Variants in PLEKHA4 observed in about 807,000 individuals in gnomAD.
PLEKHA4 encodes pleckstrin homology domain containing A4.
PLEKHA4 carries 73 observed loss-of-function variants against 94.7 expected under a neutral mutation model. The ratio of observed to expected loss-of-function variants is 0.77; its 90% CI spans 0.64 to 0.94. PLEKHA4 has a LOEUF of 0.94. Among genes scored for constraint, PLEKHA4 ranks in the 40% least tolerant of loss-of-function variants. PLEKHA4 has a pLI of 0.00. For missense variants in PLEKHA4, 1,049 were observed against 1,054.1 expected (o/e 1.00, Z 0.07); for synonymous variants, 449 against 437.1 (o/e 1.03, Z -0.34).
Position 48,857,500 on chromosome 19 carries a change from G to T in PLEKHA4, c.973-4C>A. 6.5e-7 allele frequency: 1 copy of T among 1,546,394 alleles called. No individual in the cohort carries two copies. ...AAGTGGGGGAGCCAGAGTGTGCCTGGGAGGAACGTTGAAATGGAGATGTTT... is the reference window on the plus strand; with the variant it reads ...AAGTGGGGGAGCCAGAGTGTGCCTGTGAGGAACGTTGAAATGGAGATGTTT... On this transcript the variant is annotated splice_polypyrimidine_tract_variant and splice_region_variant and intron_variant, in intron 8 of 19. Coordinates refer to ENST00000263265, the MANE Select transcript of PLEKHA4 (RefSeq NM_020904.3).
intron 3 of PLEKHA4, among the ~76,000 whole-genome samples, chr19:48,864,172 C>CT (rs11378326): frequency 0.14 from 19,780 of 142,504 alleles, 1,546 homozygotes; most frequent in Non-Finnish European, 0.18. Context: ...GCCTCCAGGT[C>CT]TTTTTTTTTT....
chr19:48,856,505 G>A (rs936724837), intron 9 of PLEKHA4, among the ~76,000 whole-genome samples: 1 of 152,036 alleles, frequency 6.6e-6, no homozygotes, highest in Non-Finnish European at 1.5e-5. Context: ...GGATCACGAG[G>A]TTAGGAGTTC....
rs150889080 is a variant in PLEKHA4, at chr19:48,861,661, C to T, written c.224G>A (p.Arg75His). 716 of 1,614,130 alleles carry T rather than the reference C, an allele frequency of 4.4e-4. No individual in the cohort carries two copies. The highest frequency in any genetic ancestry group is 5.9e-4 in the Non-Finnish European group (692 of 1,180,018). The stretch of plus-strand genomic sequence containing the variant: ...GCAATGGCCGGAGAGGACGAACCAG[C>T]GGCGTTTCCAGAGACGGAGCCCCGA... ...DSSGLRLWKR[R>H]WFVLSGHCLF... is the part of the protein sequence containing the mutation. Residue 75 changes from arginine to histidine, a missense_variant, in exon 4 of 20, where the codon CGC becomes CAC. By Grantham distance (29) the Arg-to-His change is conservative (BLOSUM62 0). Coordinates refer to ENST00000263265, the MANE Select transcript of PLEKHA4 (RefSeq NM_020904.3).
In PLEKHA4 at chr19:48,837,919, C is replaced by T. The variant is rs552557855; in HGVS notation, c.2077+98G>A. 3.0e-5 allele frequency: 30 copies of T among 994,762 alleles called. No homozygotes were observed. The South Asian group carries it at 3.9e-4, about 13-fold the overall frequency. The allele number at this position is 994,762 out of a possible 1,614,324, so 61.6% of individuals were successfully genotyped here. On this transcript the variant is annotated intron_variant, in intron 19 of 19. Coordinates refer to ENST00000263265, the MANE Select transcript of PLEKHA4 (RefSeq NM_020904.3). This position sits in a 1 kb window ranked among gnomAD's most constrained non-coding sequence, Gnocchi z 4.3. The stretch of plus-strand genomic sequence containing the variant: ...TTTACTCACCAAGATAAAAAATTCT[C>T]ACCGGCCCCCAGACCCCTCCTCTCC...
At chr19:48,846,367 T>C (rs10404196) in intron 14 of PLEKHA4, among the ~76,000 whole-genome samples, 18,672 of 149,660 alleles carry the variant, frequency 0.12, 1,309 homozygotes, top group Middle Eastern at 0.18. Context: ...AGGAGAATGG[T>C]GTGAACCCGG....
intron 17 of PLEKHA4, among the ~76,000 whole-genome samples, chr19:48,840,738 G>A (rs567335164): frequency 1.7e-4 from 26 of 152,184 alleles, no homozygotes; most frequent in African/African-American, 5.5e-4. Context: ...AAAGGAAAAC[G>A]TCTAAGGGGA....
chr19:48,865,969 G>C lies in PLEKHA4; in HGVS notation c.85-359C>G, dbSNP rs530002789. Among the ~76,000 whole-genome samples the C allele has an allele frequency of 2.7e-5, 4 of 150,802 alleles. No homozygotes were observed. The South Asian group carries it at 6.3e-4, about 24-fold the overall frequency. Reference sequence around the variant, plus strand: ...GAGGAGCTTGCAGTGAGCCGAGATCGCACCACTGCACTCCAGCCCGGGAGA... The same window carrying C: ...GAGGAGCTTGCAGTGAGCCGAGATCCCACCACTGCACTCCAGCCCGGGAGA... On this transcript the variant is annotated intron_variant, in intron 2 of 19. Coordinates refer to ENST00000263265, the MANE Select transcript of PLEKHA4 (RefSeq NM_020904.3).
rs1484453579 is a variant in PLEKHA4, at chr19:48,837,519, G to C, written c.2110C>G (p.Pro704Ala). 6.2e-7 allele frequency: 1 copy of C among 1,613,334 alleles called. No individual in the cohort carries two copies. The highest frequency in any genetic ancestry group is 8.5e-7 in the Non-Finnish European group (1 of 1,179,672). Residue 704 changes from proline to alanine, a missense_variant, in exon 20 of 20, where the codon CCC (proline) becomes GCC (alanine). Pro to Ala is a conservative substitution (Grantham distance 27, BLOSUM62 -1). Transcript: ENST00000263265. This position sits in a 1 kb window ranked among gnomAD's most constrained non-coding sequence, Gnocchi z 4.3. ...GNLDSQGDPL[P>A]GVPLPPSDPT... ...TCCGAAGGAGGCAGCGGCACACCGG[G>C]AAGAGGGTCTCCCTGGGAGTCCAAA...
intron 16 of PLEKHA4, among the ~76,000 whole-genome samples, chr19:48,843,133 C>G (rs1359781172): frequency 6.6e-6 from 1 of 152,100 alleles, no homozygotes; most frequent in Non-Finnish European, 1.5e-5. Flanking sequence ...TCCATGATAA[C>G]AAGTAAGCAC....
chr19:48,865,666 G>T, intron 2 of PLEKHA4, 56 bp from the exon 3 acceptor site: 4 of 1,308,466 alleles, frequency 3.1e-6, no homozygotes, highest in Non-Finnish European at 3.3e-6. Context: ...GTCCTGGGAG[G>T]GGGTGAGGGT....
intron 6 of PLEKHA4, chr19:48,859,894 C>A (rs1023099757): frequency 2.3e-5 from 14 of 609,830 alleles, no homozygotes; most frequent in Admixed American, 9.3e-5. Context: ...GTTGCTGGAC[C>A]CAATGCCCCG....
intron 9 of PLEKHA4, among the ~76,000 whole-genome samples, chr19:48,854,696 CTTTTTTTT>C (rs397859722): frequency 0.013 from 1,021 of 81,326 alleles, 7 homozygotes; most frequent in Middle Eastern, 0.04. Flanking sequence ...CATGCCTGGC[CTTTTTTTT>C]TTTTTTTTTT....
chr19:48,846,064 T>C (rs1485157471), intron 14 of PLEKHA4, among the ~76,000 whole-genome samples: 1 of 150,790 alleles, frequency 6.6e-6, no homozygotes, highest in East Asian at 2.0e-4. Flanking sequence ...AGGCTTGTGC[T>C]TGTAATCTCA....
chr19:48,867,667 G>T lies in PLEKHA4; in HGVS notation c.-6-41C>A. ...AAAGGGGCTGTGTCTCTGCAGTGACGGGTGTGAGACAGAGATGGGGTCAGG... is the reference window on the plus strand; with the variant it reads ...AAAGGGGCTGTGTCTCTGCAGTGACTGGTGTGAGACAGAGATGGGGTCAGG... On this transcript the variant is annotated intron_variant, in intron 1 of 19. Transcript: ENST00000263265. The surrounding 1 kb of genome is among the most constrained non-coding windows in gnomAD (Gnocchi z 4.7). 1.3e-6 allele frequency: 2 copies of T among 1,535,108 alleles called. No homozygotes were observed. Among genetic ancestry groups the T allele is most frequent in the Admixed American group, 2.0e-5 (1 of 51,086 alleles).
rs397859722 is a variant in PLEKHA4 at position 48,854,696 on chromosome 19, C to CT, written c.1048-433dup. On this transcript the variant is annotated intron_variant, in intron 9 of 19. Transcript: ENST00000263265. ...CATGCACCATCATATCATGCCTGGC[C>CT]TTTTTTTTTTTTTTTTTTTTTTTTT... Among the ~76,000 whole-genome samples, 275 of 81,370 alleles carry CT rather than the reference C, an allele frequency of 3.4e-3. 10 individuals carry two copies. The highest frequency in any genetic ancestry group is 5.8e-3 in the East Asian group (20 of 3,428). The allele number at this position is 81,370 out of a possible 152,430, so 53.4% of individuals were successfully genotyped here. A position where few individuals can be genotyped will look rare whatever the true frequency, so the allele number is the denominator to read the frequency against.
In PLEKHA4 at chr19:48,852,224, T is replaced by C. The variant is rs1343291657; in HGVS notation, c.1425+4A>G. On this transcript the variant is annotated splice_donor_region_variant and intron_variant, in intron 13 of 19. Transcript: ENST00000263265. ...GGTCTTGGGGTCTCCAAGCAGCGATTTACCTGGGGAGAACCAAGGTGCAGC... is the reference window on the plus strand; with the variant it reads ...GGTCTTGGGGTCTCCAAGCAGCGATCTACCTGGGGAGAACCAAGGTGCAGC... The C allele has an allele frequency of 1.2e-6, 2 of 1,612,620 alleles. No homozygotes were observed. The highest frequency in any genetic ancestry group is 1.7e-5 in the Admixed American group (1 of 59,964).
chr19:48,840,230 C>A (rs141511404), intron 17 of PLEKHA4, among the ~76,000 whole-genome samples: 6 of 151,828 alleles, frequency 4.0e-5, no homozygotes, highest in Non-Finnish European at 8.8e-5. Flanking sequence ...GCCTGGCCAA[C>A]GTGGTAAAAA....
At chr19:48,856,897 T>TAAAAAAA in intron 9 of PLEKHA4, among the ~76,000 whole-genome samples, 1 of 32,388 alleles carries the variant, frequency 3.1e-5, no homozygotes, top group Non-Finnish European at 4.7e-5. Flanking sequence ...AGACCCCGTC[T>TAAAAAAA]CAAAAAAAAA....
Position 48,859,826 on chromosome 19 carries a change from G to T in PLEKHA4, c.477-142C>A, listed in dbSNP as rs2036569244. 11 of 784,018 alleles carry T rather than the reference G, an allele frequency of 1.4e-5. No homozygotes were observed. In the South Asian group the frequency reaches 1.8e-4, roughly 13 times the overall value. The allele number at this position is 784,018 out of a possible 1,614,324, so 48.6% of individuals were successfully genotyped here. A position where few individuals can be genotyped will look rare whatever the true frequency, so the allele number is the denominator to read the frequency against. ...TCATCGTCCCCCTTCTTCAGAAGGGGAAACTGAGGCCTCCAATGTGAAACT... is the reference window on the plus strand; with the variant it reads ...TCATCGTCCCCCTTCTTCAGAAGGGTAAACTGAGGCCTCCAATGTGAAACT... On this transcript the variant is annotated intron_variant, in intron 6 of 19. Coordinates refer to ENST00000263265, the MANE Select transcript of PLEKHA4 (RefSeq NM_020904.3).
Sources: allele counts gnomAD v4.1 joint callset (sites outside exome capture counted in the v4.1 genomes callset), GRCh38; gene constraint gnomAD v4.1.1; non-coding constraint Gnocchi (gnomAD v3.1); transcripts MANE v1.5; gene names NCBI Gene and HGNC (gene_info 2026-07-23, HGNC 2026-07-21).